The following ENDOV variants were observed in gnomAD, a reference collection of about 807,000 sequenced individuals.
ENDOV encodes hEndoV.
ENDOV carries 37 observed loss-of-function variants against 39.4 expected under a neutral mutation model. The ratio of observed to expected loss-of-function variants is 0.94; its 90% CI spans 0.72 to 1.23. The LOEUF (loss-of-function observed/expected upper bound fraction) is 1.23. ENDOV is among the 50% of genes most tolerant of loss of function. ENDOV has a pLI of 0.00. For synonymous variants in ENDOV, 186 were observed against 163.4 expected (o/e 1.14, Z -1.05); for missense variants, 441 against 375.7 (o/e 1.17, Z -1.44).
In ENDOV at chr17:80,437,695, G is replaced by A. The variant is rs2083636804; in HGVS notation, c.*1552G>A. 6.6e-6 allele frequency: 1 copy of A among 152,254 alleles called. No homozygotes were observed. The highest frequency in any genetic ancestry group is 2.4e-5 in the African/African-American group (1 of 41,442). The allele number at this position is 152,254 out of a possible 1,614,324, so 9.4% of individuals were successfully genotyped here. A position where few individuals can be genotyped will look rare whatever the true frequency, so the allele number is the denominator to read the frequency against. On this transcript the variant is annotated 3_prime_UTR_variant, in exon 10 of 10. Coordinates refer to ENST00000518137, the MANE Select transcript of ENDOV (RefSeq NM_173627.5). ...CTGTGACACTGCAGCTCTCCAGAGAGACGCTTTGAAAACAAAACAGGAAAG... is the reference window on the plus strand; with the variant it reads ...CTGTGACACTGCAGCTCTCCAGAGAAACGCTTTGAAAACAAAACAGGAAAG...
At chr17:80,427,315 G>GTGC (rs940852120) in intron 7 of ENDOV, 1 of 574,786 alleles carries the variant, frequency 1.7e-6, no homozygotes, top group African/African-American at 2.0e-5. Context: ...ACTTTAGGTC[G>GTGC]TGCTGCTGCT....
Position 80,422,356 on chromosome 17 carries a change from C to T in ENDOV, c.403+111C>T, listed in dbSNP as rs568828606. 2,322 of 1,332,830 alleles carry T rather than the reference C, an allele frequency of 1.7e-3. 8 individuals are homozygous for T. Among genetic ancestry groups the T allele is most frequent in the Non-Finnish European group, 1.9e-3 (1,779 of 952,268 alleles). 82.6% of individuals were successfully genotyped at this position (1,332,830 alleles called of 1,614,324 possible). A position where few individuals can be genotyped will look rare whatever the true frequency, so the allele number is the denominator to read the frequency against. On this transcript the variant is annotated intron_variant, in intron 4 of 9. Transcript: ENST00000518137. ...CTGGGCCCTCGGCCTCTGCCGCCAG[C>T]CCCCTCCAATGGCTTCTTTCTCGGC...
chr17:80,435,054 A>T (rs1428326392), intron 9 of ENDOV, among the ~76,000 whole-genome samples: 2 of 152,202 alleles, frequency 1.3e-5, no homozygotes, highest in African/African-American at 4.8e-5. Context: ...TGAGCAAAGC[A>T]TCTATTCAAA....
chr17:80,423,565 G>C lies in ENDOV; in HGVS notation c.449G>C (p.Cys150Ser). 6.4e-7 allele frequency: 1 copy of C among 1,557,752 alleles called. No individual in the cohort carries two copies. The highest frequency in any genetic ancestry group is 1.4e-5 in the African/African-American group (1 of 73,454). ...CTTGGCGTCCTTACAGACCTGCCGT[G>C]TGTTGGGGTGGCCAAGAAACTTCTG... ...CHLGVLTDLP[C>S]VGVAKKLLQV... The change falls in exon 5 of 10, where the codon TGT (cysteine) becomes TCT (serine). Residue 150 changes from cysteine to serine, a missense_variant. Physicochemically the swap from Cys to Ser is moderately radical, Grantham distance 112. Coordinates refer to ENST00000518137, the MANE Select transcript of ENDOV (RefSeq NM_173627.5).
intron 5 of ENDOV, among the ~76,000 whole-genome samples, chr17:80,424,782 C>T (rs1391892392): frequency 6.6e-6 from 1 of 152,150 alleles, no homozygotes. Flanking sequence ...GGTGAAACCC[C>T]ATCTCTACTA....
chr17:80,428,499 C>T (rs983816853), intron 7 of ENDOV, 97 bp from the exon 8 acceptor site: 3 of 1,226,180 alleles, frequency 2.4e-6, no homozygotes, highest in African/African-American at 3.0e-5. Flanking sequence ...CCTGAGTGGG[C>T]TTCTGTGGGG....
chr17:80,422,108 A>G (rs747489447), intron 3 of ENDOV, 98 bp from the exon 4 acceptor site: 2 of 1,577,616 alleles, frequency 1.3e-6, no homozygotes, highest in South Asian at 2.3e-5. Context: ...AAAAAGCTGG[A>G]CCCCAGAGAC....
intron 9 of ENDOV, 91 bp from the exon 10 acceptor site, chr17:80,436,040 CCA>C: frequency 7.1e-7 from 1 of 1,409,022 alleles, no homozygotes; most frequent in Non-Finnish European, 9.9e-7. Context: ...CAGGCGCGAG[CCA>C]CTGCACCTGG....
chr17:80,415,665 G>T lies in ENDOV; in HGVS notation c.72G>T (p.Leu24=), dbSNP rs749860978. 37 of 1,612,448 alleles carry T rather than the reference G, an allele frequency of 2.3e-5. No homozygotes were observed. Among genetic ancestry groups the T allele is most frequent in the Non-Finnish European group, 3.1e-5 (36 of 1,179,368 alleles). Residue 24 remains leucine (L), a synonymous_variant, in exon 2 of 10, where the codon CTG becomes CTT. Transcript: ENST00000518137. ...LSLWKREQAR[L]KAHVVDRDTE... ...GTCCTCCTAGGGAGCAAGCTCGGCT[G>T]AAGGCCCACGTCGTAGACCGGGACA...
At chr17:80,434,925 G>A (rs41302934) in intron 9 of ENDOV, among the ~76,000 whole-genome samples, 10,496 of 152,164 alleles carry the variant, frequency 0.069, 491 homozygotes, top group Admixed American at 0.14. Flanking sequence ...CAGCCTGGGT[G>A]ACAATGAGAC....
intron 2 of ENDOV, chr17:80,417,023 G>A (rs1466509547): frequency 1.3e-5 from 2 of 152,238 alleles, no homozygotes; most frequent in Non-Finnish European, 2.9e-5. Flanking sequence ...CCCAAGTGCT[G>A]AGATTACAGG....
At chr17:80,415,557 G>A (rs1178315256) in intron 1 of ENDOV, 93 bp from the exon 2 acceptor site, 28 of 1,444,926 alleles carry the variant, frequency 1.9e-5, no homozygotes, top group African/African-American at 4.3e-5. Flanking sequence ...GAGAAGACCC[G>A]GCAGAGGCGC....
At chr17:80,432,076 G>A (rs1362837099) in intron 9 of ENDOV, among the ~76,000 whole-genome samples, 1 of 152,168 alleles carries the variant, frequency 6.6e-6, no homozygotes, top group South Asian at 2.1e-4. Context: ...TGTCTGGTGG[G>A]CGCTGAAGGT....
intron 7 of ENDOV, among the ~76,000 whole-genome samples, chr17:80,426,456 C>T (rs1363512705): frequency 2.0e-5 from 3 of 151,908 alleles, no homozygotes; most frequent in Admixed American, 6.6e-5. Context: ...TGAGGGCGCC[C>T]TAGGCAACAT....
intron 7 of ENDOV, among the ~76,000 whole-genome samples, chr17:80,427,092 C>T (rs749733240): frequency 3.3e-5 from 5 of 152,246 alleles, no homozygotes; most frequent in Non-Finnish European, 7.3e-5. Context: ...CAATGGCCCT[C>T]GCCCTGGGGA....
rs1304681958 is a variant in ENDOV, at chr17:80,421,994, G to C, written c.363+32G>C. On this transcript the variant is annotated intron_variant, in intron 3 of 9. Transcript: ENST00000518137. ...GTCTCATCCCTAGGACGAGAGAAAGGTCCCTCCTTCCCCCTGGGGGAGGGA... is the reference window on the plus strand; with the variant it reads ...GTCTCATCCCTAGGACGAGAGAAAGCTCCCTCCTTCCCCCTGGGGGAGGGA... 2.5e-6 allele frequency: 4 copies of C among 1,602,832 alleles called. No individual in the cohort carries two copies. In the Admixed American group the frequency reaches 6.7e-5, roughly 27 times the overall value.
Position 80,428,680 on chromosome 17 carries a change from G to A in ENDOV, c.779+20G>A, listed in dbSNP as rs376589173. 7 of 1,564,376 alleles carry A rather than the reference G, an allele frequency of 4.5e-6. No homozygotes were observed. The African/African-American group carries it at 6.8e-5, about 15-fold the overall frequency. ...ACCGAGGTGAGCACCCAGGGAGGCT[G>A]GGGCACTAAAGGGGCATCTCACAGA... is the stretch of plus-strand genomic sequence containing the variant. On this transcript the variant is annotated intron_variant, in intron 8 of 9. Coordinates refer to ENST00000518137, the MANE Select transcript of ENDOV (RefSeq NM_173627.5).
At chr17:80,428,977 G>A (rs750811729) in intron 8 of ENDOV, among the ~76,000 whole-genome samples, 11 of 152,230 alleles carry the variant, frequency 7.2e-5, no homozygotes, top group Non-Finnish European at 1.2e-4. Flanking sequence ...TAGCCTGTGA[G>A]GTACCAGGAC....
intron 9 of ENDOV, among the ~76,000 whole-genome samples, chr17:80,431,629 A>G: frequency 6.6e-6 from 1 of 152,126 alleles, no homozygotes; most frequent in Non-Finnish European, 1.5e-5. Flanking sequence ...CAGGCCCTCC[A>G]TGCTTCAGGG....
Sources: gnomAD v4.1 joint callset for allele counts (sites outside exome capture counted in the v4.1 genomes callset) on GRCh38, gnomAD v4.1.1 for gene constraint, MANE v1.5 for transcripts, NCBI Gene and HGNC (gene_info 2026-07-23, HGNC 2026-07-21) for gene names.